Variants in GSE1 observed in about 807,000 individuals in gnomAD.
GSE1 encodes genetic suppressor element 1.
A neutral mutation model predicts 112.6 loss-of-function variants in GSE1; 32 were observed. The ratio of observed to expected loss-of-function variants is 0.28; its 90% CI spans 0.21 to 0.38. The LOEUF is 0.38. Ranked by LOEUF, GSE1 falls within the 10% of genes least tolerant of loss-of-function variation. The pLI is 1.00. For synonymous variants in GSE1, 1,115 were observed against 735.6 expected (o/e 1.52, Z -8.35); for missense variants, 2,348 against 1,699.2 (o/e 1.38, Z -6.71).
chr16:85,238,908 G>A (rs537535310), intron 1 of GSE1, among the ~76,000 whole-genome samples: 172 of 152,246 alleles, frequency 1.1e-3, no homozygotes, highest in African/African-American at 3.7e-3. Context: ...CTGCACACCC[G>A]GGCCTGGGGA....
At chr16:85,353,189 G>T (rs1329636487) in intron 1 of GSE1, among the ~76,000 whole-genome samples, 1 of 152,196 alleles carries the variant, frequency 6.6e-6, no homozygotes, top group African/African-American at 2.4e-5. Context: ...CACTTGGTTT[G>T]TTGGCCAGGA....
At chr16:85,274,939 G>C (rs1312522563) in intron 1 of GSE1, among the ~76,000 whole-genome samples, 1 of 152,350 alleles carries the variant, frequency 6.6e-6, no homozygotes, top group East Asian at 1.9e-4. Flanking sequence ...GCTGTTCTTG[G>C]AGTGAGACCA....
chr16:85,232,614 A>G (rs888928566), intron 1 of GSE1, among the ~76,000 whole-genome samples: 2 of 152,178 alleles, frequency 1.3e-5, no homozygotes, highest in Non-Finnish European at 2.9e-5. Flanking sequence ...CTGTGTGAGG[A>G]CTGGGCAGGA....
intron 2 of GSE1, among the ~76,000 whole-genome samples, chr16:85,638,817 GC>G (rs2050213997): frequency 6.6e-6 from 1 of 151,902 alleles, no homozygotes; most frequent in Admixed American, 6.6e-5. Context: ...CCCTGGGAGG[GC>G]GTGTGCTTCC....
At chr16:85,587,199 C>A (rs2046746226) in intron 1 of GSE1, among the ~76,000 whole-genome samples, 1 of 150,796 alleles carries the variant, frequency 6.6e-6, no homozygotes, top group Admixed American at 6.6e-5. Flanking sequence ...ACCCCATGGT[C>A]TGGAGGGCCC....
At chr16:85,192,137 C>G (rs982919253) in intron 1 of GSE1, among the ~76,000 whole-genome samples, 2 of 152,208 alleles carry the variant, frequency 1.3e-5, no homozygotes, top group Non-Finnish European at 2.9e-5. Context: ...GCAGGGTGCA[C>G]ACATAGGCAG....
chr16:85,429,220 C>T (rs1027756225), intron 2 of GSE1, among the ~76,000 whole-genome samples: 1 of 152,220 alleles, frequency 6.6e-6, no homozygotes, highest in Non-Finnish European at 1.5e-5. Context: ...CGCCCAGGAC[C>T]TGTGTCCGGA....
intron 2 of GSE1, among the ~76,000 whole-genome samples, chr16:85,451,193 C>T (rs2049670121): frequency 6.6e-6 from 1 of 152,032 alleles, no homozygotes. Context: ...ACAGCAAAAC[C>T]ACCACCATAA....
chr16:85,628,756 A>G (rs543421551), intron 1 of GSE1, among the ~76,000 whole-genome samples: 1 of 152,316 alleles, frequency 6.6e-6, no homozygotes, highest in East Asian at 1.9e-4. Flanking sequence ...AGAGAGAAAA[A>G]GGATGAAAGT....
intron 2 of GSE1, among the ~76,000 whole-genome samples, chr16:85,422,543 C>G (rs552285752): frequency 6.7e-6 from 1 of 150,070 alleles, no homozygotes; most frequent in Non-Finnish European, 1.5e-5. Flanking sequence ...CACACGTTCA[C>G]GGAGCAGCCA....
intron 1 of GSE1, among the ~76,000 whole-genome samples, chr16:85,234,997 C>A (rs1401844323): frequency 6.6e-6 from 1 of 152,072 alleles, no homozygotes; most frequent in Non-Finnish European, 1.5e-5. Flanking sequence ...GGGCCCTGAT[C>A]CCCCTCCTGG....
At position 85,669,512 on chromosome 16, in the gene GSE1, C is replaced by T. The variant is rs2053154421; in HGVS notation, c.3415+1088C>T. On this transcript the variant is annotated intron_variant, in intron 14 of 15. Transcript: ENST00000253458. ...AATCCCGTATTTTGTTTCCTTTCCT[C>T]CTCCCGTGGAATCTTTGAGTTTATT... Among the ~76,000 whole-genome samples the T allele has an allele frequency of 4.6e-5, 7 of 152,318 alleles. No individual in the cohort carries two copies. The South Asian group carries it at 1.5e-3, about 32-fold the overall frequency.
At chr16:85,331,871 T>C (rs2046382971) in intron 1 of GSE1, among the ~76,000 whole-genome samples, 1 of 151,992 alleles carries the variant, frequency 6.6e-6, no homozygotes. Flanking sequence ...GCAGTGCTCC[T>C]GAGGGTGTGC....
At chr16:85,520,169 C>T (rs539673113) in intron 2 of GSE1, among the ~76,000 whole-genome samples, 2 of 152,280 alleles carry the variant, frequency 1.3e-5, no homozygotes, top group African/African-American at 2.4e-5. Context: ...GGGCTCACCT[C>T]GTGGTTCCTG....
chr16:85,527,020 G>A (rs2052384778), intron 2 of GSE1, among the ~76,000 whole-genome samples: 1 of 152,220 alleles, frequency 6.6e-6, no homozygotes, highest in East Asian at 1.9e-4. Flanking sequence ...AATATTGTCC[G>A]TGGTGCAGGG....
intron 2 of GSE1, among the ~76,000 whole-genome samples, chr16:85,506,094 AG>A (rs991730580): frequency 5.3e-5 from 8 of 152,064 alleles, no homozygotes; most frequent in Non-Finnish European, 8.8e-5. Flanking sequence ...ACCCCCGGGG[AG>A]GTGACCTGCA....
chr16:85,344,969 T>A (rs932171810), intron 1 of GSE1, among the ~76,000 whole-genome samples: 1 of 152,212 alleles, frequency 6.6e-6, no homozygotes, highest in African/African-American at 2.4e-5. Context: ...CAGGTTCGCC[T>A]CTTCTGTCAA....
chr16:85,573,722 G>A (rs746877912), intron 1 of GSE1, among the ~76,000 whole-genome samples: 6 of 152,196 alleles, frequency 3.9e-5, no homozygotes, highest in African/African-American at 9.6e-5. Flanking sequence ...AGGGGGAGCC[G>A]GCAGGCGCAC....
chr16:85,662,981 G>T lies in GSE1; in HGVS notation c.2261G>T (p.Gly754Val), dbSNP rs776229743. The T allele has an allele frequency of 6.3e-7, 1 of 1,588,018 alleles. No homozygotes were observed. Among genetic ancestry groups the T allele is most frequent in the East Asian group, 2.2e-5 (1 of 44,766 alleles). The change falls in exon 10 of 16, where the codon GGG becomes GTG. Residue 754 changes from glycine to valine, a missense_variant and splice_region_variant. Transcript: ENST00000253458. ...ERRRREAQEK[G>V]YYYDLDDSYD... is the part of the protein sequence containing the mutation. ...CTGAATACAACCATTTCTCCATCAG[G>T]GTACTACTACGACCTCGATGACTCT...
Sources: allele counts gnomAD v4.1 joint callset (sites outside exome capture counted in the v4.1 genomes callset), GRCh38; gene constraint gnomAD v4.1.1; transcripts MANE v1.5; gene names NCBI Gene and HGNC (gene_info 2026-07-23, HGNC 2026-07-21).